RICTOR: variants seen among roughly 807,000 people sequenced by gnomAD.
RICTOR encodes the protein rapamycin-insensitive companion of mTOR.
A neutral mutation model predicts 214.9 loss-of-function variants in RICTOR; 49 were observed. The observed-to-expected ratio is 0.23, with a 90% CI of 0.18 to 0.29. The LOEUF is 0.29. RICTOR is among the 10% of genes least tolerant of loss of function. RICTOR has a pLI of 1.00. For missense variants in RICTOR, 1,625 were observed against 2,047.0 expected (o/e 0.79, Z 3.98); for synonymous variants, 717 against 711.3 (o/e 1.01, Z -0.13).
At chr5:39,014,764 A>C (rs1205552103) in intron 3 of RICTOR, among the ~76,000 whole-genome samples, 1 of 152,156 alleles carries the variant, frequency 6.6e-6, no homozygotes, top group Admixed American at 6.6e-5. Flanking sequence ...TGGGTGTGTG[A>C]CATTCACATG....
At chr5:38,970,218 C>T (rs1174826481) in intron 11 of RICTOR, 1 of 152,160 alleles carries the variant, frequency 6.6e-6, no homozygotes, top group African/African-American at 2.4e-5. Context: ...TCTTAGAACA[C>T]ATTCCTATCA....
intron 5 of RICTOR, among the ~76,000 whole-genome samples, chr5:38,997,875 G>A (rs543664675): frequency 6.6e-6 from 1 of 152,250 alleles, no homozygotes; most frequent in African/African-American, 2.4e-5. Context: ...CAAAGTAGCT[G>A]GGACTTGAGG....
At chr5:39,055,247 ACT>A (rs991278780) in intron 2 of RICTOR, among the ~76,000 whole-genome samples, 2 of 149,030 alleles carry the variant, frequency 1.3e-5, no homozygotes, top group East Asian at 3.9e-4. Context: ...ATATTCCCAT[ACT>A]CTCTCTCTCA....
intron 15 of RICTOR, 26 bp from the exon 16 acceptor site, chr5:38,964,918 T>G: frequency 7.1e-7 from 1 of 1,410,326 alleles, no homozygotes; most frequent in Non-Finnish European, 1.0e-6. Flanking sequence ...ACATTTTACA[T>G]GAGTTTTCAG....
intron 2 of RICTOR, among the ~76,000 whole-genome samples, chr5:39,050,922 A>G (rs768228117): frequency 2.0e-5 from 3 of 152,164 alleles, no homozygotes; most frequent in African/African-American, 4.8e-5. Context: ...AATATTTTTA[A>G]TAAGTCTGAT....
At chr5:38,980,701 C>G (rs1443990132) in intron 8 of RICTOR, among the ~76,000 whole-genome samples, 1 of 151,956 alleles carries the variant, frequency 6.6e-6, no homozygotes, top group African/African-American at 2.4e-5. Flanking sequence ...CAAAAATTAG[C>G]CAGGTGTGGT....
chr5:38,968,037 T>A lies in RICTOR; in HGVS notation c.973-7A>T, dbSNP rs368207440. The A allele has an allele frequency of 1.3e-6, 2 of 1,525,916 alleles. No homozygotes were observed. The highest frequency in any genetic ancestry group is 2.7e-5 in the African/African-American group (2 of 73,150). The allele number at this position is 1,525,916 out of a possible 1,614,324, so 94.5% of individuals were successfully genotyped here. A position where few individuals can be genotyped will look rare whatever the true frequency, so the allele number is the denominator to read the frequency against. On this transcript the variant is annotated splice_polypyrimidine_tract_variant and splice_region_variant and intron_variant, in intron 11 of 37. Transcript: ENST00000357387. ...GCACTTCAAGTAGACCTCGCTAAAT[T>A]AGCAAACAAATACACCTCATTTATT...
intron 3 of RICTOR, among the ~76,000 whole-genome samples, chr5:39,005,877 T>C (rs1754015020): frequency 6.6e-6 from 1 of 152,214 alleles, no homozygotes; most frequent in Non-Finnish European, 1.5e-5. Flanking sequence ...TGAAAGCTTA[T>C]TGTTAAGAAA....
At chr5:39,031,449 T>C (rs1376697055) in intron 2 of RICTOR, among the ~76,000 whole-genome samples, 1 of 152,188 alleles carries the variant, frequency 6.6e-6, no homozygotes, top group Non-Finnish European at 1.5e-5. Context: ...TTTTAAATTC[T>C]ATCAACCACA....
chr5:38,971,881 AT>A lies in RICTOR; in HGVS notation c.967del (p.Ile323Ter). On this transcript the variant is annotated frameshift_variant, in exon 11 of 38. Coordinates refer to ENST00000357387, the MANE Select transcript of RICTOR (RefSeq NM_152756.5). LOFTEE classifies it high-confidence loss of function. ...IGVLCIPNMEIRRGLLEVLYD... is the reference protein window; with the variant it reads ...IGVLCIPNMEXRRGLLEVLYD... ...ATCCTAATAACTTTTACCTACCCTT[AT>A]TTCCATATTTGGTATGCAAAGTACT... The A allele has an allele frequency of 7.5e-7, 1 of 1,335,114 alleles. No individual in the cohort carries two copies. Among genetic ancestry groups the A allele is most frequent in the Non-Finnish European group, 1.1e-6 (1 of 931,156 alleles). The allele number at this position is 1,335,114 out of a possible 1,614,324, so 82.7% of individuals were successfully genotyped here.
intron 2 of RICTOR, among the ~76,000 whole-genome samples, chr5:39,071,373 T>A (rs1437804764): frequency 1.3e-5 from 2 of 152,178 alleles, no homozygotes; most frequent in African/African-American, 4.8e-5. Context: ...TCGAATACCA[T>A]AATTCCTTAT....
chr5:38,984,360 C>T (rs2150066375), intron 7 of RICTOR, among the ~76,000 whole-genome samples: 1 of 152,206 alleles, frequency 6.6e-6, no homozygotes, highest in South Asian at 2.1e-4. Flanking sequence ...ATAATTAAGA[C>T]TTTTACTGGT....
chr5:38,949,444 A>G, intron 31 of RICTOR: 1 of 1,575,398 alleles, frequency 6.3e-7, no homozygotes, highest in Non-Finnish European at 8.5e-7. Flanking sequence ...GAAGCGAGAA[A>G]TAAATAAAAA....
At chr5:38,953,196 A>G in intron 28 of RICTOR, 105 bp from the exon 29 acceptor site, 6 of 762,268 alleles carry the variant, frequency 7.9e-6, no homozygotes, top group Middle Eastern at 2.4e-4. Context: ...GAGAGAAAAA[A>G]TGTAAAAGCC....
chr5:39,034,369 T>C (rs1756499776), intron 2 of RICTOR, among the ~76,000 whole-genome samples: 1 of 152,260 alleles, frequency 6.6e-6, no homozygotes, highest in Non-Finnish European at 1.5e-5. Context: ...ATGGCTCCAG[T>C]CTACAGCTCC....
intron 10 of RICTOR, among the ~76,000 whole-genome samples, chr5:38,973,307 A>G (rs1323273358): frequency 6.6e-6 from 1 of 152,172 alleles, no homozygotes; most frequent in Non-Finnish European, 1.5e-5. Flanking sequence ...CCATAAACAG[A>G]CATCTAGTTC....
intron 10 of RICTOR, among the ~76,000 whole-genome samples, chr5:38,974,560 G>A (rs1361122704): frequency 6.6e-6 from 1 of 152,012 alleles, no homozygotes; most frequent in Non-Finnish European, 1.5e-5. Context: ...GATGAGGAGT[G>A]GTAAAGGAAG....
At chr5:39,042,846 T>C (rs1331383656) in intron 2 of RICTOR, among the ~76,000 whole-genome samples, 1 of 152,200 alleles carries the variant, frequency 6.6e-6, no homozygotes, top group Non-Finnish European at 1.5e-5. Flanking sequence ...ATCTGGGTTC[T>C]GGTTTCATCT....
intron 8 of RICTOR, among the ~76,000 whole-genome samples, chr5:38,980,083 G>A (rs1239268): frequency 0.99 from 151,121 of 152,310 alleles, 74,988 homozygotes; most frequent in Middle Eastern, 1. Flanking sequence ...TTTCAGTACT[G>A]GAATTTCCAT....
Sources: allele counts gnomAD v4.1 joint callset (sites outside exome capture counted in the v4.1 genomes callset), GRCh38; gene constraint gnomAD v4.1.1; transcripts MANE v1.5; gene names NCBI Gene and HGNC (gene_info 2026-07-23, HGNC 2026-07-21).